Variants in TUSC3 observed in about 807,000 individuals in gnomAD.
The protein encoded by TUSC3 is tumor suppressor candidate 3.
A neutral mutation model predicts 44.8 loss-of-function variants in TUSC3; 45 were observed. The observed-to-expected ratio is 1.00, with a 90% CI of 0.79 to 1.29. The LOEUF (loss-of-function observed/expected upper bound fraction) is 1.29, where lower values mean the gene tolerates loss of function less well. Among genes scored for constraint, TUSC3 ranks in the 50% most tolerant of loss-of-function variants. The probability of loss-of-function intolerance (pLI) is 0.00; values close to 1 mark genes in which losing one functional copy is unlikely to be tolerated. For synonymous variants in TUSC3, 212 were observed against 152.9 expected, an observed-to-expected ratio of 1.39 and a Z score of -2.85; for missense variants, 519 against 437.9, an observed-to-expected ratio of 1.19 and a Z score of -1.65.
chr8:15,494,165 T>C (rs62502461), intron 2 of TUSC3, among the ~76,000 whole-genome samples: 13,955 of 152,180 alleles, frequency 0.092, 830 homozygotes, highest in Middle Eastern at 0.14. Flanking sequence ...GTCTTTCCAT[T>C]GTCAGATACA....
At position 15,487,899 on chromosome 8, in the gene TUSC3, ATT is replaced by A. The variant is rs11307186; in HGVS notation, n.189+4434_189+4435del. Among the ~76,000 whole-genome samples, 310 of 138,282 alleles carry A rather than the reference ATT, an allele frequency of 2.2e-3. 1 individual carries two copies. The highest frequency in any genetic ancestry group is 4.1e-3 in the African/African-American group (153 of 37,672). The allele number at this position is 138,282 out of a possible 152,430, so 90.7% of individuals were successfully genotyped here. A position where few individuals can be genotyped will look rare whatever the true frequency, so the allele number is the denominator to read the frequency against. On this transcript the variant is annotated intron_variant and non_coding_transcript_variant, in intron 2 of 5. Transcript: ENST00000503191. ...TCATTACTAGAATAGTGTGCTGGCA[ATT>A]TTTTTTTTTTTTTTTTTACTGAAAA...
chr8:15,438,571 C>G (rs73189488), intron 1 of TUSC3, among the ~76,000 whole-genome samples: 20,018 of 152,162 alleles, frequency 0.13, 1,576 homozygotes, highest in Middle Eastern at 0.22. Flanking sequence ...AAAGGCCAAT[C>G]TACTAATACT....
At chr8:15,423,297 T>C (rs1016625347) in intron 1 of TUSC3, among the ~76,000 whole-genome samples, 3 of 152,200 alleles carry the variant, frequency 2.0e-5, no homozygotes, top group African/African-American at 7.2e-5. Context: ...GTATCCTTTT[T>C]TGAAGTGTCT....
intron 1 of TUSC3, among the ~76,000 whole-genome samples, chr8:15,552,223 T>G (rs1218531717): frequency 6.6e-6 from 1 of 151,860 alleles, no homozygotes; most frequent in Non-Finnish European, 1.5e-5. Flanking sequence ...TCCTAAAATA[T>G]GGCACATGTT....
At chr8:15,678,446 A>G (rs985211682) in intron 6 of TUSC3, among the ~76,000 whole-genome samples, 1 of 152,098 alleles carries the variant, frequency 6.6e-6, no homozygotes, top group African/African-American at 2.4e-5. Flanking sequence ...AAAAAACCAC[A>G]TTGGGTATTG....
chr8:15,739,380 T>C lies in TUSC3; in HGVS notation c.863-4158T>C, dbSNP rs79043193. On this transcript the variant is annotated intron_variant, in intron 7 of 10. Coordinates refer to ENST00000503731, the MANE Select transcript of TUSC3 (RefSeq NM_006765.4). ...TTCTGGCACATATAATTAATGATAA[T>C]TGATGATTTGCTGAGGTTTTTGACA... 5.1e-3 allele frequency among the ~76,000 whole-genome samples: 776 copies of C among 152,280 alleles called. 14 individuals carry two copies. In the East Asian group the frequency reaches 0.053, roughly 10 times the overall value.
chr8:15,729,189 A>G (rs1810614716), intron 6 of TUSC3, among the ~76,000 whole-genome samples: 1 of 152,140 alleles, frequency 6.6e-6, no homozygotes, highest in Non-Finnish European at 1.5e-5. Context: ...GTACTGTTAA[A>G]CTCAGATATG....
Position 15,552,551 on chromosome 8 carries a change from C to G in TUSC3, c.138+11983C>G, listed in dbSNP as rs572173180. ...ATAGGAAATAACCCAGTGAAGAGGG[C>G]GAGTGCTAAACAGCACTGGTAAAGG... On this transcript the variant is annotated intron_variant, in intron 1 of 10. Coordinates refer to ENST00000503731, the MANE Select transcript of TUSC3 (RefSeq NM_006765.4). Among the ~76,000 whole-genome samples, 10 of 151,706 alleles carry G rather than the reference C, an allele frequency of 6.6e-5. 1 individual carries two copies. The East Asian group carries it at 1.4e-3, about 21-fold the overall frequency.
the TUSC3 span, among the ~76,000 whole-genome samples, chr8:15,780,388 G>C: frequency 6.6e-6 from 1 of 152,100 alleles, no homozygotes; most frequent in African/African-American, 2.4e-5. Context: ...CCCATGGTTT[G>C]GCTCTTGATT....
chr8:15,617,132 G>GTGTGTGTGTGTGTA (rs375212684), intron 1 of TUSC3, among the ~76,000 whole-genome samples: 2,800 of 77,384 alleles, frequency 0.036, 78 homozygotes, highest in South Asian at 0.13. Flanking sequence ...GTGTGTGTGT[G>GTGTGTGTGTGTGTA]TATATATTTT....
intron 2 of TUSC3, among the ~76,000 whole-genome samples, chr8:15,484,702 G>A (rs1042098088): frequency 1.3e-5 from 2 of 152,192 alleles, no homozygotes; most frequent in African/African-American, 4.8e-5. Flanking sequence ...GCTTTGCACA[G>A]TGGCGCAGAG....
chr8:15,613,288 T>G (rs1189560213), intron 1 of TUSC3, among the ~76,000 whole-genome samples: 1 of 151,800 alleles, frequency 6.6e-6, no homozygotes, highest in African/African-American at 2.4e-5. Context: ...CTCAGAAACA[T>G]TAGGTAACTC....
intron 2 of TUSC3, among the ~76,000 whole-genome samples, chr8:15,634,246 C>A (rs1218387696): frequency 6.6e-6 from 1 of 152,136 alleles, no homozygotes; most frequent in Non-Finnish European, 1.5e-5. Flanking sequence ...CATTAAGAAA[C>A]CCAGGTTGGC....
Position 15,420,101 on chromosome 8 carries a change from A to G in TUSC3, n.91+2796A>G, listed in dbSNP as rs180873310. Among the ~76,000 whole-genome samples the G allele has an allele frequency of 1.7e-3, 253 of 152,300 alleles. 1 individual carries two copies. Among genetic ancestry groups the G allele is most frequent in the African/African-American group, 5.7e-3 (237 of 41,566 alleles). ...AAAAACACTATAACAAAGCTTATGC[A>G]TACACACTTTATGGAGTATTGTGGT... is the stretch of plus-strand genomic sequence containing the variant. On this transcript the variant is annotated intron_variant and non_coding_transcript_variant, in intron 1 of 5. Coordinates refer to the TUSC3 transcript ENST00000503191.
chr8:15,760,163 CAA>C (rs938065185), intron 10 of TUSC3, among the ~76,000 whole-genome samples: 18 of 152,016 alleles, frequency 1.2e-4, no homozygotes, highest in African/African-American at 4.3e-4. Flanking sequence ...TAGCTAATAA[CAA>C]AGAGGAAGGC....
chr8:15,515,144 G>A (rs10098605), intron 2 of TUSC3, among the ~76,000 whole-genome samples: 54,793 of 151,938 alleles, frequency 0.36, 12,240 homozygotes, highest in Non-Finnish European at 0.5. Context: ...GAAAATGGGA[G>A]TCTTCTGACT....
intron 6 of TUSC3, among the ~76,000 whole-genome samples, chr8:15,675,745 C>T (rs944996690): frequency 6.6e-6 from 1 of 152,094 alleles, no homozygotes; most frequent in Non-Finnish European, 1.5e-5. Context: ...CAGCTGCATC[C>T]ATATTGCTGC....
At chr8:15,692,503 T>G (rs2129190906) in intron 6 of TUSC3, among the ~76,000 whole-genome samples, 1 of 151,696 alleles carries the variant, frequency 6.6e-6, no homozygotes, top group Non-Finnish European at 1.5e-5. Context: ...TTAGGCTTTT[T>G]ATTACTTATT....
chr8:15,458,471 T>G (rs1028086464), intron 1 of TUSC3, among the ~76,000 whole-genome samples: 1 of 152,090 alleles, frequency 6.6e-6, no homozygotes, highest in African/African-American at 2.4e-5. Flanking sequence ...ACTCCTGAGC[T>G]CAAGTGATCC....
Sources: gnomAD v4.1 joint callset for allele counts (sites outside exome capture counted in the v4.1 genomes callset) on GRCh38, gnomAD v4.1.1 for gene constraint, MANE v1.5 for transcripts, NCBI Gene and HGNC (gene_info 2026-07-23, HGNC 2026-07-21) for gene names.